The following ADGRA3 variants were observed in gnomAD, a reference collection of about 807,000 sequenced individuals.
ADGRA3 encodes the protein adhesion G protein-coupled receptor A3, also known as G-protein coupled receptor 125.
Under a neutral mutation model 119.8 loss-of-function variants are expected in ADGRA3, and 56 were observed. That is an observed-to-expected ratio of 0.47 (90% CI 0.38 to 0.58). ADGRA3 has a LOEUF of 0.58. Ranked by LOEUF, ADGRA3 falls within the 20% of genes least tolerant of loss-of-function variation. The pLI is 0.00. For missense variants in ADGRA3, 1,516 were observed against 1,649.0 expected, an observed-to-expected ratio of 0.92 and a Z score of 1.40; for synonymous variants, 607 against 623.8, an observed-to-expected ratio of 0.97 and a Z score of 0.40.
intron 10 of ADGRA3, among the ~76,000 whole-genome samples, chr4:22,432,415 CAAGT>C (rs1271670260): frequency 2.3e-5 from 2 of 88,392 alleles, no homozygotes; most frequent in Non-Finnish European, 5.7e-5. Context: ...AAAAGTCTGG[CAAGT>C]AAGATCAAGA....
At chr4:22,389,298 T>G (rs1714008842) in intron 17 of ADGRA3, 115 bp from the exon 18 acceptor site, 1 of 723,170 alleles carries the variant, frequency 1.4e-6, no homozygotes, top group Admixed American at 2.4e-5. Flanking sequence ...TTATCTTTAT[T>G]CCAATAATAA....
At chr4:22,458,147 C>G (rs1717305865) in intron 3 of ADGRA3, among the ~76,000 whole-genome samples, 1 of 152,182 alleles carries the variant, frequency 6.6e-6, no homozygotes, top group Non-Finnish European at 1.5e-5. Context: ...CATTCAGCAT[C>G]AGCCCGAGTT....
intron 3 of ADGRA3, 54 bp downstream of exon 3, chr4:22,461,683 G>T: frequency 2.5e-6 from 3 of 1,184,692 alleles, no homozygotes; most frequent in Non-Finnish European, 3.7e-6. Context: ...TAAGTTGACA[G>T]CTATTTATAT....
At chr4:22,412,279 A>C (rs1715238673) in intron 14 of ADGRA3, among the ~76,000 whole-genome samples, 1 of 152,118 alleles carries the variant, frequency 6.6e-6, no homozygotes, top group Non-Finnish European at 1.5e-5. Context: ...AATAATTACA[A>C]TATAAAATAA....
intron 10 of ADGRA3, 115 bp downstream of exon 10, chr4:22,435,196 A>G (rs1323625668): frequency 1.1e-6 from 1 of 892,858 alleles, no homozygotes; most frequent in Non-Finnish European, 1.7e-6. Flanking sequence ...ATTTAAAAGC[A>G]TGCTTTTAGC....
intron 2 of ADGRA3, among the ~76,000 whole-genome samples, chr4:22,470,464 C>A (rs4697307): frequency 0.41 from 62,909 of 151,922 alleles, 14,426 homozygotes; most frequent in East Asian, 0.61. Context: ...ACTATCTCAG[C>A]CCACTCTCCC....
intron 2 of ADGRA3, among the ~76,000 whole-genome samples, chr4:22,463,625 C>T (rs1717554632): frequency 6.6e-6 from 1 of 152,206 alleles, no homozygotes; most frequent in African/African-American, 2.4e-5. Flanking sequence ...GTTACTGTCC[C>T]ACCAGCTAAT....
chr4:22,487,489 C>T (rs1718471249), intron 1 of ADGRA3, among the ~76,000 whole-genome samples: 1 of 152,196 alleles, frequency 6.6e-6, no homozygotes, highest in Non-Finnish European at 1.5e-5. Flanking sequence ...TCACCCGCCA[C>T]TCAACTCCTG....
intron 1 of ADGRA3, among the ~76,000 whole-genome samples, chr4:22,475,987 T>C (rs991605295): frequency 6.6e-6 from 1 of 152,176 alleles, no homozygotes; most frequent in Admixed American, 6.5e-5. Context: ...AATCCAAGTA[T>C]ATTACTGGAT....
Position 22,387,828 on chromosome 4 carries a change from A to G in ADGRA3, c.3843T>C (p.Tyr1281=), listed in dbSNP as rs768269484. The change falls in exon 19 of 19, where the codon TAT becomes TAC. Residue 1281 remains tyrosine, a synonymous_variant. Coordinates refer to ENST00000334304, the MANE Select transcript of ADGRA3 (RefSeq NM_145290.4). Reference sequence around the variant, plus strand: ...CATTCTGAATGGCCAAGTTGAGGCCATAAGATTTTTGCTGATTTTCAAGTT... The same window carrying G: ...CATTCTGAATGGCCAAGTTGAGGCCGTAAGATTTTTGCTGATTTTCAAGTT... ...VVELENQQKS[Y]GLNLAIQNGP... The G allele has an allele frequency of 2.1e-4, 344 of 1,614,042 alleles. No individual in the cohort carries two copies. The highest frequency in any genetic ancestry group is 2.8e-4 in the Non-Finnish European group (326 of 1,180,006).
chr4:22,486,465 C>A (rs185193950), intron 1 of ADGRA3, among the ~76,000 whole-genome samples: 1 of 152,124 alleles, frequency 6.6e-6, no homozygotes, highest in African/African-American at 2.4e-5. Flanking sequence ...AGGGTATCTG[C>A]GTAAAACAAG....
chr4:22,499,563 G>A (rs1379335781), intron 1 of ADGRA3, among the ~76,000 whole-genome samples: 1 of 152,146 alleles, frequency 6.6e-6, no homozygotes, highest in Non-Finnish European at 1.5e-5. Context: ...AGAGTGTTAT[G>A]AATTCATGTC....
intron 14 of ADGRA3, among the ~76,000 whole-genome samples, chr4:22,404,839 C>T (rs1465415375): frequency 6.6e-6 from 1 of 152,142 alleles, no homozygotes; most frequent in Non-Finnish European, 1.5e-5. Context: ...TAATGAAAAC[C>T]AGTTAGATGC....
intron 16 of ADGRA3, among the ~76,000 whole-genome samples, chr4:22,398,698 A>T (rs955609787): frequency 6.6e-6 from 1 of 152,206 alleles, no homozygotes; most frequent in East Asian, 1.9e-4. Context: ...CTTTTCACTT[A>T]AAACTAATTT....
At chr4:22,511,525 G>C (rs1462820143) in intron 1 of ADGRA3, among the ~76,000 whole-genome samples, 1 of 152,040 alleles carries the variant, frequency 6.6e-6, no homozygotes, top group African/African-American at 2.4e-5. Flanking sequence ...CCATTAAATA[G>C]AAATGGCTTT....
At chr4:22,424,479 CACTTT>C (rs765731865) in intron 10 of ADGRA3, 127 bp from the exon 11 acceptor site, 7 of 942,082 alleles carry the variant, frequency 7.4e-6, no homozygotes, top group African/African-American at 4.9e-5. Context: ...ACCCAACAGG[CACTTT>C]ACTTGTTTCT....
chr4:22,476,671 GTT>G (rs537023927), intron 1 of ADGRA3, among the ~76,000 whole-genome samples: 3 of 141,098 alleles, frequency 2.1e-5, no homozygotes, highest in Non-Finnish European at 1.6e-5. Flanking sequence ...TCTGTTTTGG[GTT>G]TTTTTTTTTT....
intron 4 of ADGRA3, 42 bp from the exon 5 acceptor site, chr4:22,447,553 T>C (rs1716877102): frequency 8.7e-7 from 1 of 1,146,160 alleles, no homozygotes; most frequent in Non-Finnish European, 1.3e-6. Context: ...AATACAATTA[T>C]CTATCATTTT....
chr4:22,486,577 T>A (rs1279411709), intron 1 of ADGRA3, among the ~76,000 whole-genome samples: 1 of 152,140 alleles, frequency 6.6e-6, no homozygotes, highest in Non-Finnish European at 1.5e-5. Context: ...CTCATCCTGC[T>A]CCAACAACTC....
Sources: allele counts gnomAD v4.1 joint callset (sites outside exome capture counted in the v4.1 genomes callset), GRCh38; gene constraint gnomAD v4.1.1; transcripts MANE v1.5; gene names NCBI Gene and HGNC (gene_info 2026-07-23, HGNC 2026-07-21).